Variants in TMEM161B observed in about 807,000 individuals in gnomAD.
The protein encoded by TMEM161B is transmembrane protein 161B.
A neutral mutation model predicts 61.8 loss-of-function variants in TMEM161B; 34 were observed. The ratio of observed to expected loss-of-function variants is 0.55; its 90% CI spans 0.42 to 0.73. The LOEUF (loss-of-function observed/expected upper bound fraction) is 0.73. Among genes scored for constraint, TMEM161B ranks in the 30% least tolerant of loss-of-function variants. The probability of loss-of-function intolerance (pLI) is 0.00; values close to 1 mark genes in which losing one functional copy is unlikely to be tolerated. For synonymous variants in TMEM161B, 167 were observed against 192.8 expected, an observed-to-expected ratio of 0.87 and a Z score of 1.11; for missense variants, 456 against 558.5, an observed-to-expected ratio of 0.82 and a Z score of 1.85.
downstream of TMEM161B, among the ~76,000 whole-genome samples, chr5:88,188,604 C>T (rs1748509017): frequency 6.6e-6 from 1 of 152,028 alleles, no homozygotes; most frequent in African/African-American, 2.4e-5. Flanking sequence ...ATAAAGCAGG[C>T]AGAAGAAAGT....
chr5:88,241,402 A>T (rs1359417469), intron 1 of TMEM161B, among the ~76,000 whole-genome samples: 2 of 151,886 alleles, frequency 1.3e-5, no homozygotes, highest in Non-Finnish European at 2.9e-5. Flanking sequence ...TATAAACTTA[A>T]AATGAATTAG....
chr5:88,241,848 T>C (rs1752796705), intron 1 of TMEM161B, among the ~76,000 whole-genome samples: 1 of 151,764 alleles, frequency 6.6e-6, no homozygotes, highest in African/African-American at 2.4e-5. Context: ...GAAAAATAGA[T>C]ACAATCAAAT....
intron 2 of TMEM161B, among the ~76,000 whole-genome samples, chr5:88,232,408 T>A (rs965387990): frequency 1.3e-5 from 2 of 152,144 alleles, no homozygotes; most frequent in Admixed American, 1.3e-4. Context: ...AGAACACTTA[T>A]AAGAAATAAC....
At chr5:88,237,420 G>C (rs961816647) in intron 2 of TMEM161B, among the ~76,000 whole-genome samples, 4 of 152,088 alleles carry the variant, frequency 2.6e-5, no homozygotes, top group Admixed American at 6.6e-5. Context: ...AGTCCTAAGG[G>C]AAGAAGGATA....
At chr5:88,251,828 A>G (rs1754377773) in intron 1 of TMEM161B, among the ~76,000 whole-genome samples, 1 of 152,184 alleles carries the variant, frequency 6.6e-6, no homozygotes, top group Admixed American at 6.5e-5. Context: ...ATATACATCC[A>G]GTATCTTCCT....
chr5:88,261,946 T>G (rs868393837), intron 1 of TMEM161B, among the ~76,000 whole-genome samples: 4 of 152,076 alleles, frequency 2.6e-5, no homozygotes, highest in African/African-American at 9.7e-5. Context: ...TCATTACAAT[T>G]AAAATCTGCT....
chr5:88,190,315 G>C (rs943431306), downstream of TMEM161B: 1 of 698,120 alleles, frequency 1.4e-6, no homozygotes, highest in South Asian at 1.5e-5. Context: ...TGACAAATGC[G>C]AGATGTAGAA....
At position 88,198,958 on chromosome 5, in the gene TMEM161B, C is replaced by G. The variant is rs1750185355; in HGVS notation, c.1089+18G>C. On this transcript the variant is annotated intron_variant, in intron 10 of 11. Transcript: ENST00000296595. Reference sequence around the variant, plus strand: ...CGGTTTTTGCTATTTTTCATTTTGACTAGGGTATAAAACTTACCATTTTCT... The same window carrying G: ...CGGTTTTTGCTATTTTTCATTTTGAGTAGGGTATAAAACTTACCATTTTCT... The G allele has an allele frequency of 2.6e-6, 4 of 1,563,578 alleles. No individual in the cohort carries two copies. Among genetic ancestry groups the G allele is most frequent in the Non-Finnish European group, 3.5e-6 (4 of 1,156,552 alleles).
intron 5 of TMEM161B, among the ~76,000 whole-genome samples, chr5:88,217,001 A>C (rs1404532505): frequency 1.3e-5 from 2 of 152,316 alleles, no homozygotes; most frequent in Non-Finnish European, 2.9e-5. Context: ...ATTCATCAGA[A>C]ACCTGGGAAA....
intron 5 of TMEM161B, among the ~76,000 whole-genome samples, chr5:88,212,262 A>C (rs1258826624): frequency 1.3e-5 from 2 of 152,208 alleles, no homozygotes; most frequent in Non-Finnish European, 2.9e-5. Flanking sequence ...TGCAAAGTCT[A>C]AAAATAGTTA....
chr5:88,225,073 T>C (rs1749793287), intron 4 of TMEM161B, among the ~76,000 whole-genome samples: 1 of 149,330 alleles, frequency 6.7e-6, no homozygotes, highest in African/African-American at 2.5e-5. Context: ...GTTCACGTCA[T>C]TCTCCTGCCT....
chr5:88,263,090 C>T (rs911115542), intron 1 of TMEM161B, among the ~76,000 whole-genome samples: 8 of 152,062 alleles, frequency 5.3e-5, no homozygotes, highest in African/African-American at 1.9e-4. Flanking sequence ...TCTTTGCTTG[C>T]TTTTTAGATA....
intron 3 of TMEM161B, 91 bp from the exon 4 acceptor site, chr5:88,225,957 A>C: frequency 2.5e-6 from 2 of 811,742 alleles, no homozygotes; most frequent in Non-Finnish European, 3.9e-6. Flanking sequence ...GAAGTTTTAA[A>C]TTTCACAGTG....
chr5:88,188,609 G>T (rs1748509298), downstream of TMEM161B, among the ~76,000 whole-genome samples: 1 of 152,176 alleles, frequency 6.6e-6, no homozygotes, highest in Admixed American at 6.5e-5. Context: ...GCAGGCAGAA[G>T]AAAGTGGAAT....
intron 9 of TMEM161B, chr5:88,201,728 A>C (rs910853405): frequency 6.5e-6 from 1 of 153,460 alleles, no homozygotes; most frequent in African/African-American, 2.4e-5. Context: ...CTAGAACCTT[A>C]GATCCTTAGA....
chr5:88,239,987 C>A (rs1006808290), intron 2 of TMEM161B, among the ~76,000 whole-genome samples: 1 of 151,824 alleles, frequency 6.6e-6, no homozygotes, highest in African/African-American at 2.4e-5. Flanking sequence ...TATCACTTAC[C>A]TTTCACAACT....
chr5:88,242,967 T>C (rs1432802223), intron 1 of TMEM161B, among the ~76,000 whole-genome samples: 3 of 151,784 alleles, frequency 2.0e-5, no homozygotes, highest in Non-Finnish European at 4.4e-5. Context: ...TTGGATATTA[T>C]AGAGATTATA....
chr5:88,199,128 T>C lies in TMEM161B; in HGVS notation c.937A>G (p.Thr313Ala). The C allele has an allele frequency of 1.9e-6, 3 of 1,610,566 alleles. No individual in the cohort carries two copies. In the South Asian group the frequency reaches 3.3e-5, roughly 18 times the overall value. ...AGGATTATTAACCAGAGTCGCAGAG[T>C]ATCGAATGTGGCTTCTGTCATTCTA... ...IPLMTEATFD[T>A]LRLWLIILLC... The change falls in exon 10 of 12, where the codon ACT becomes GCT. Residue 313 changes from threonine to alanine, a missense_variant. This residue lies in a region of TMEM161B where 367 missense variants were observed against 427.3 expected (regional missense o/e 0.86). Transcript: ENST00000296595.
Position 88,197,721 on chromosome 5 carries a change from A to T in TMEM161B, c.1134T>A (p.Tyr378Ter). 1 of 1,613,144 alleles carries T rather than the reference A, an allele frequency of 6.2e-7. No homozygotes were observed. Among genetic ancestry groups the T allele is most frequent in the East Asian group, 2.2e-5 (1 of 44,828 alleles). ...FYYLCVIALQ[Y>*]VAPLVMLLHT... ...GAAGCAGCATTACCAGAGGCGCCAC[A>T]TACTGCAGTGCAATGACACAAAGAT... Residue 378 changes from tyrosine (Y) to a stop codon, truncating the protein, a stop_gained, in exon 11 of 12, where the codon TAT (tyrosine) becomes TAA (stop). Coordinates refer to ENST00000296595, the MANE Select transcript of TMEM161B (RefSeq NM_153354.5). LOFTEE classifies it high-confidence loss of function.
Sources: gnomAD v4.1 joint callset for allele counts (sites outside exome capture counted in the v4.1 genomes callset) on GRCh38, gnomAD v4.1.1 for gene constraint, gnomAD v4.1.1 regional missense constraint, MANE v1.5 for transcripts, NCBI Gene and HGNC (gene_info 2026-07-23, HGNC 2026-07-21) for gene names.